STXBP5L: variants seen among roughly 807,000 people sequenced by gnomAD.
STXBP5L encodes the protein syntaxin-binding protein 5-like.
A neutral mutation model predicts 144.5 loss-of-function variants in STXBP5L; 65 were observed. The ratio of observed to expected loss-of-function variants is 0.45; its 90% CI spans 0.37 to 0.55. The LOEUF (loss-of-function observed/expected upper bound fraction) is 0.55. Ranked by LOEUF, STXBP5L falls within the 20% of genes least tolerant of loss-of-function variation. The pLI is 0.00. For synonymous variants in STXBP5L, 505 were observed against 469.6 expected (o/e 1.08, Z -0.97); for missense variants, 1,298 against 1,405.5 (o/e 0.92, Z 1.22).
intron 20 of STXBP5L, among the ~76,000 whole-genome samples, chr3:121,375,633 AG>A (rs1360449484): frequency 6.6e-6 from 1 of 152,230 alleles, no homozygotes; most frequent in Non-Finnish European, 1.5e-5. Flanking sequence ...CCAGCATTTA[AG>A]TGTTTGATAA....
intron 20 of STXBP5L, among the ~76,000 whole-genome samples, chr3:121,333,301 G>C (rs1220027972): frequency 6.6e-6 from 1 of 152,102 alleles, no homozygotes; most frequent in Non-Finnish European, 1.5e-5. Context: ...AATTAAGGCA[G>C]AAATCAAGAA....
At chr3:121,287,103 T>C (rs2051258589) in intron 19 of STXBP5L, among the ~76,000 whole-genome samples, 1 of 152,196 alleles carries the variant, frequency 6.6e-6, no homozygotes, top group African/African-American at 2.4e-5. Context: ...AAGAGCCATC[T>C]GAAAGGATTA....
intron 3 of STXBP5L, among the ~76,000 whole-genome samples, chr3:120,969,094 G>A (rs1482505068): frequency 1.3e-5 from 2 of 151,982 alleles, no homozygotes; most frequent in African/African-American, 2.4e-5. Context: ...AATTTTACTT[G>A]TGGTTCTTTA....
intron 14 of STXBP5L, 85 bp from the exon 15 acceptor site, chr3:121,250,638 C>A: frequency 2.7e-6 from 3 of 1,114,932 alleles, no homozygotes; most frequent in South Asian, 1.4e-5. Flanking sequence ...ATTGTATCAA[C>A]AGTAACTCAA....
chr3:121,057,742 CTT>C (rs1249718658), intron 5 of STXBP5L, among the ~76,000 whole-genome samples: 2 of 151,986 alleles, frequency 1.3e-5, no homozygotes, highest in East Asian at 3.9e-4. Flanking sequence ...CTTTCTTAAA[CTT>C]AACTTTTGCA....
chr3:121,217,846 T>A (rs1036291285), intron 10 of STXBP5L, among the ~76,000 whole-genome samples: 4 of 151,680 alleles, frequency 2.6e-5, no homozygotes, highest in Admixed American at 6.6e-5. Flanking sequence ...TCCATGACAA[T>A]GTATACATGC....
chr3:121,029,611 A>T (rs77568129), intron 3 of STXBP5L, among the ~76,000 whole-genome samples: 2,926 of 152,210 alleles, frequency 0.019, 101 homozygotes, highest in African/African-American at 0.067. Context: ...CATTCAGGAC[A>T]TAGGCATGGG....
chr3:121,330,378 C>T (rs1354614195), intron 20 of STXBP5L, among the ~76,000 whole-genome samples: 1 of 152,194 alleles, frequency 6.6e-6, no homozygotes, highest in Non-Finnish European at 1.5e-5. Flanking sequence ...CAGCAGAGAA[C>T]TGCCTTCTGA....
At chr3:121,341,427 A>G (rs2044707640) in intron 20 of STXBP5L, among the ~76,000 whole-genome samples, 1 of 152,148 alleles carries the variant, frequency 6.6e-6, no homozygotes, top group South Asian at 2.1e-4. Flanking sequence ...GGGAATGTAA[A>G]TTAGTACAGC....
At position 121,053,481 on chromosome 3, in the gene STXBP5L, A is replaced by G. The variant is rs145801555; in HGVS notation, c.470+7946A>G. Among the ~76,000 whole-genome samples the G allele has an allele frequency of 1.4e-3, 216 of 152,364 alleles. 1 individual carries two copies. Among genetic ancestry groups the G allele is most frequent in the South Asian group, 0.013 (61 of 4,830 alleles). On this transcript the variant is annotated intron_variant, in intron 5 of 26. Coordinates refer to ENST00000471454, the MANE Select transcript of STXBP5L (RefSeq NM_001308330.2). ...ATCTTTGCCAAACCTGACAAAAACA[A>G]GAAATGGGGAAAGGATTCCCTATTT...
intron 24 of STXBP5L, among the ~76,000 whole-genome samples, chr3:121,414,952 AAAGG>A (rs1422811497): frequency 6.6e-6 from 1 of 152,190 alleles, no homozygotes; most frequent in African/African-American, 2.4e-5. Flanking sequence ...ATAGGAGTGG[AAAGG>A]AAGGAATTAG....
intron 3 of STXBP5L, among the ~76,000 whole-genome samples, chr3:121,003,935 C>T (rs1258627742): frequency 6.6e-6 from 1 of 152,212 alleles, no homozygotes; most frequent in East Asian, 1.9e-4. Flanking sequence ...CAGTACCACG[C>T]TGTTTTGGTT....
At chr3:121,343,953 C>G (rs1265358206) in intron 20 of STXBP5L, among the ~76,000 whole-genome samples, 2 of 152,036 alleles carry the variant, frequency 1.3e-5, no homozygotes, top group Non-Finnish European at 2.9e-5. Flanking sequence ...CAATCCTAAG[C>G]CAAAAGAACA....
intron 3 of STXBP5L, among the ~76,000 whole-genome samples, chr3:120,989,661 G>A (rs1028365432): frequency 1.3e-5 from 2 of 151,974 alleles, no homozygotes; most frequent in African/African-American, 2.4e-5. Flanking sequence ...TCTCTTTCCC[G>A]CTCTACTAGT....
chr3:121,352,268 C>G (rs2045319715), intron 20 of STXBP5L, among the ~76,000 whole-genome samples: 1 of 152,046 alleles, frequency 6.6e-6, no homozygotes, highest in Non-Finnish European at 1.5e-5. Flanking sequence ...TATAAATTAC[C>G]TTGGGCAGTA....
At chr3:121,381,557 C>T (rs751860661) in intron 22 of STXBP5L, 25 bp downstream of exon 22, 3 of 1,576,468 alleles carry the variant, frequency 1.9e-6, no homozygotes, top group Non-Finnish European at 2.6e-6. Context: ...TCATTCATTC[C>T]TTCACTGTTA....
chr3:121,319,261 T>C (rs1377961769), intron 20 of STXBP5L, among the ~76,000 whole-genome samples: 2 of 152,170 alleles, frequency 1.3e-5, no homozygotes, highest in East Asian at 3.8e-4. Context: ...GAATGATAGA[T>C]CTGTTCTTAC....
chr3:121,196,474 T>C (rs1301367269), intron 9 of STXBP5L, among the ~76,000 whole-genome samples: 1 of 152,112 alleles, frequency 6.6e-6, no homozygotes, highest in Non-Finnish European at 1.5e-5. Context: ...ACGGAGGTCT[T>C]TCCTTTTATC....
chr3:121,379,340 A>G (rs1417777484), intron 21 of STXBP5L, among the ~76,000 whole-genome samples: 1 of 152,134 alleles, frequency 6.6e-6, no homozygotes, highest in Non-Finnish European at 1.5e-5. Context: ...ATATTTTTAA[A>G]AGGAAGGTCT....
Sources: allele counts gnomAD v4.1 joint callset (sites outside exome capture counted in the v4.1 genomes callset), GRCh38; gene constraint gnomAD v4.1.1; transcripts MANE v1.5; gene names NCBI Gene and HGNC (gene_info 2026-07-23, HGNC 2026-07-21).